The following CSPP1 variants were observed in gnomAD, a reference collection of about 807,000 sequenced individuals.
The protein encoded by CSPP1 is centrosome and spindle pole-associated protein 1.
In CSPP1, 126 loss-of-function variants were observed where a neutral mutation model predicts 164.4. The ratio of observed to expected loss-of-function variants is 0.77; its 90% CI spans 0.66 to 0.89. The LOEUF is 0.89. Among genes scored for constraint, CSPP1 ranks in the 40% least tolerant of loss-of-function variants. The pLI is 0.00. For synonymous variants in CSPP1, 472 were observed against 476.7 expected, an observed-to-expected ratio of 0.99 and a Z score of 0.13; for missense variants, 1,395 against 1,449.8, an observed-to-expected ratio of 0.96 and a Z score of 0.61.
intron 8 of CSPP1, among the ~76,000 whole-genome samples, chr8:67,105,478 T>C (rs1815293130): frequency 6.6e-6 from 1 of 152,180 alleles, no homozygotes; most frequent in Non-Finnish European, 1.5e-5. Flanking sequence ...CTTCCTGGTT[T>C]CAAGTGATTC....
intron 10 of CSPP1, 74 bp from the exon 11 acceptor site, chr8:67,113,731 T>C: frequency 1.3e-6 from 1 of 757,080 alleles, no homozygotes; most frequent in Non-Finnish European, 2.2e-6. Flanking sequence ...GTGTATAAGC[T>C]TCTTTCAGTG....
At chr8:67,158,349 G>T in intron 19 of CSPP1, 98 bp from the exon 20 acceptor site, 2 of 1,294,810 alleles carry the variant, frequency 1.5e-6, no homozygotes, top group Middle Eastern at 4.5e-4. Flanking sequence ...CAAAAAGAGG[G>T]TACAAGTGTT....
intron 9 of CSPP1, among the ~76,000 whole-genome samples, chr8:67,107,978 A>G (rs116143112): frequency 0.013 from 1,734 of 131,188 alleles, 36 homozygotes; most frequent in African/African-American, 0.047. Context: ...AATTTCTTTG[A>G]CAAAGTTTTT....
intron 23 of CSPP1, 22 bp from the exon 24 acceptor site, chr8:67,164,369 A>G: frequency 9.1e-7 from 1 of 1,096,346 alleles, no homozygotes; most frequent in Non-Finnish European, 1.4e-6. Flanking sequence ...CTTGTGTTTT[A>G]CTTATCAATG....
intron 22 of CSPP1, among the ~76,000 whole-genome samples, chr8:67,162,184 A>T (rs1001393663): frequency 6.6e-6 from 1 of 152,204 alleles, no homozygotes; most frequent in Non-Finnish European, 1.5e-5. Flanking sequence ...AGATTGAACT[A>T]CAAGGAAAAG....
At chr8:67,100,213 T>G (rs905723672) in intron 7 of CSPP1, among the ~76,000 whole-genome samples, 1 of 152,180 alleles carries the variant, frequency 6.6e-6, no homozygotes, top group African/African-American at 2.4e-5. Context: ...CTAGGAAATC[T>G]TTTGATTTTG....
intron 17 of CSPP1, 130 bp from the exon 18 acceptor site, chr8:67,149,653 A>G (rs1034409035): frequency 1.8e-6 from 1 of 561,670 alleles, no homozygotes; most frequent in Non-Finnish European, 3.0e-6. Flanking sequence ...GGGCACCAAC[A>G]TATCATTGAA....
At chr8:67,106,027 C>CT (rs769772142) in intron 9 of CSPP1, 52 bp downstream of exon 9, 9 of 897,606 alleles carry the variant, frequency 1.0e-5, no homozygotes, top group Non-Finnish European at 1.7e-5. Context: ...TCTTATAATC[C>CT]TTTTTTAAGT....
At chr8:67,141,665 G>A (rs1252703574) in intron 17 of CSPP1, among the ~76,000 whole-genome samples, 1 of 152,200 alleles carries the variant, frequency 6.6e-6, no homozygotes, top group Non-Finnish European at 1.5e-5. Context: ...GGGATTACAG[G>A]CATGTGCCAC....
chr8:67,195,302 T>G (rs1473214853), intron 30 of CSPP1, 80 bp from the exon 31 acceptor site: 3 of 857,548 alleles, frequency 3.5e-6, no homozygotes, highest in Non-Finnish European at 6.1e-6. Flanking sequence ...TTGTAATGAG[T>G]TGGACTACAA....
intron 15 of CSPP1, among the ~76,000 whole-genome samples, chr8:67,128,265 G>A (rs1820495245): frequency 6.6e-6 from 1 of 151,982 alleles, no homozygotes; most frequent in African/African-American, 2.4e-5. Flanking sequence ...TTGGCCGGGT[G>A]CAGTGGCTCA....
At chr8:67,110,365 T>C (rs183407720) in intron 9 of CSPP1, among the ~76,000 whole-genome samples, 4 of 152,228 alleles carry the variant, frequency 2.6e-5, no homozygotes, top group African/African-American at 4.8e-5. Context: ...AATAGTTTAG[T>C]CTTACTACTA....
Position 67,195,442 on chromosome 8 carries a change from C to A in CSPP1, c.3530C>A (p.Ser1177Ter). ...DIMKHIGDDG[S>*]NSVATEPWLR... ...ATGAAACACATAGGGGATGACGGAT[C>A]AAACTCTGTAGCAACTGAGCCCTGG... Residue 1177 changes from serine to a stop codon, truncating the protein, a stop_gained, in exon 31 of 31, where the codon TCA (serine) becomes TAA (stop). Transcript: ENST00000678616. LOFTEE classifies it high-confidence loss of function. 1 of 1,614,198 alleles carries A rather than the reference C, an allele frequency of 6.2e-7. No homozygotes were observed. Among genetic ancestry groups the A allele is most frequent in the Non-Finnish European group, 8.5e-7 (1 of 1,180,020 alleles).
At position 67,172,284 on chromosome 8, in the gene CSPP1, G is replaced by A. The variant is rs532380938; in HGVS notation, c.2829-132G>A. ...GCTGGGATTACAAGTGTGAGCCACA[G>A]CACCTGTCCTAGAGTAATTTTTTAA... is the stretch of plus-strand genomic sequence containing the variant. On this transcript the variant is annotated intron_variant, in intron 24 of 30. Coordinates refer to ENST00000678616, the MANE Select transcript of CSPP1 (RefSeq NM_001382391.1). The A allele has an allele frequency of 9.1e-5, 57 of 627,570 alleles. No homozygotes were observed. The East Asian group carries it at 1.5e-3, about 16-fold the overall frequency. 38.9% of individuals were successfully genotyped at this position (627,570 alleles called of 1,614,324 possible).
At chr8:67,184,116 G>T (rs369526084) in intron 28 of CSPP1, among the ~76,000 whole-genome samples, 1 of 152,158 alleles carries the variant, frequency 6.6e-6, no homozygotes, top group East Asian at 1.9e-4. Context: ...GCCTCCCAAA[G>T]TGCTGGGATT....
chr8:67,074,438 T>C, intron 2 of CSPP1, 87 bp downstream of exon 2: 1 of 714,286 alleles, frequency 1.4e-6, no homozygotes, highest in Non-Finnish European at 2.3e-6. Context: ...TCCTCTTCTA[T>C]GAGTGAGAAT....
intron 28 of CSPP1, 150 bp from the exon 29 acceptor site, chr8:67,190,500 A>T (rs957991225): frequency 4.7e-5 from 29 of 619,704 alleles, no homozygotes; most frequent in Non-Finnish European, 7.9e-5. Flanking sequence ...TAAATTTACT[A>T]AAAAAATCAC....
chr8:67,068,223 A>G (rs893171668), intron 1 of CSPP1, among the ~76,000 whole-genome samples: 6 of 152,196 alleles, frequency 3.9e-5, no homozygotes, highest in Non-Finnish European at 5.9e-5. Context: ...TCTTCATAAT[A>G]TACTAGAATA....
intron 1 of CSPP1, chr8:67,065,439 A>G: frequency 4.7e-6 from 3 of 633,586 alleles, no homozygotes; most frequent in Non-Finnish European, 5.9e-6. Flanking sequence ...GCAGGGGCTT[A>G]AAAGCAACCG....
Sources: allele counts gnomAD v4.1 joint callset (sites outside exome capture counted in the v4.1 genomes callset), GRCh38; gene constraint gnomAD v4.1.1; transcripts MANE v1.5; gene names NCBI Gene and HGNC (gene_info 2026-07-23, HGNC 2026-07-21).